The following SPIN2B variants were observed in gnomAD, a reference collection of about 807,000 sequenced individuals.
The protein encoded by SPIN2B is spindlin-2B.
A neutral mutation model predicts 9.3 loss-of-function variants in SPIN2B; 1 was observed. That is an observed-to-expected ratio of 0.11 (90% CI 0.04 to 0.51). The LOEUF is 0.51. Ranked by LOEUF, SPIN2B falls within the 20% of genes least tolerant of loss-of-function variation. The probability of loss-of-function intolerance (pLI) is 0.94; values close to 1 mark genes in which losing one functional copy is unlikely to be tolerated. For missense variants in SPIN2B, 32 were observed against 174.0 expected (o/e 0.18, Z 4.59); for synonymous variants, 15 against 63.4 (o/e 0.24, Z 3.63).
In SPIN2B at chrX:57,121,407, G is replaced by T; in HGVS notation, c.-172C>A. On this transcript the variant is annotated 5_prime_UTR_variant, in exon 1 of 2. Coordinates refer to ENST00000434397, the MANE Select transcript of SPIN2B (RefSeq NM_001006681.2). ...ATCCGTAGATGAGGAGCGTGTCTAG[G>T]AGGGCGGCGAGACAGGCAAAGAGGA... 1 of 554,298 alleles carries T rather than the reference G, an allele frequency of 1.8e-6. No individual in the cohort carries two copies. Among genetic ancestry groups the T allele is most frequent in the Non-Finnish European group, 2.2e-6 (1 of 456,356 alleles). The allele number at this position is 554,298 out of a possible 1,213,427, so 45.7% of individuals were successfully genotyped here. A position where few individuals can be genotyped will look rare whatever the true frequency, so the allele number is the denominator to read the frequency against.
Position 57,119,929 on chromosome X carries a change from G to A in SPIN2B, c.701C>T (p.Ala234Val), listed in dbSNP as rs1355565257. ...RIGMVIHQVE[A>V]KPSVYFIKFD... ...CTTGATGAAATACACAGAGGGTTTG[G>A]CTTCCACTTGGTGAATGACCATGCC... Residue 234 changes from alanine (A) to valine (V), a missense_variant, in exon 2 of 2, where the codon GCC becomes GTC. Physicochemically the swap from Ala to Val is moderately conservative, Grantham distance 64. Transcript: ENST00000434397. 3 of 1,209,873 alleles carry A rather than the reference G, an allele frequency of 2.5e-6. No homozygotes were observed. Among genetic ancestry groups the A allele is most frequent in the African/African-American group, 3.5e-5 (2 of 57,078 alleles).
At chrX:57,120,938 T>C in intron 1 of SPIN2B, 1 of 587,320 alleles carries the variant, frequency 1.7e-6, no homozygotes, top group Non-Finnish European at 2.1e-6. Context: ...ACCACTGGCG[T>C]CCACTTCCAA....
At chrX:57,120,997 A>C in intron 1 of SPIN2B, 1 of 737,297 alleles carries the variant, frequency 1.4e-6, no homozygotes, top group Non-Finnish European at 1.6e-6. Flanking sequence ...TCCTTCCCTG[A>C]GCGTCCCAGC....
In SPIN2B at chrX:57,121,544, C is replaced by G. The variant is rs892276258; in HGVS notation, c.-309G>C. 1 of 115,492 alleles carries G rather than the reference C, an allele frequency of 8.7e-6. No individual in the cohort carries two copies. The highest frequency in any genetic ancestry group is 3.2e-5 in the African/African-American group (1 of 30,983). 9.5% of individuals were successfully genotyped at this position (115,492 alleles called of 1,213,427 possible). A position where few individuals can be genotyped will look rare whatever the true frequency, so the allele number is the denominator to read the frequency against. ...CAGTCCCTGCTGTCGCCGCGGCAGT[C>G]TCCTCCCTCTTTCCGTAGCGCAGCT... On this transcript the variant is annotated 5_prime_UTR_variant, in exon 1 of 2. Coordinates refer to ENST00000434397, the MANE Select transcript of SPIN2B (RefSeq NM_001006681.2).
chrX:57,121,246 G>C lies in SPIN2B; in HGVS notation c.-11C>G, dbSNP rs1927155604. The C allele has an allele frequency of 1.3e-6, 1 of 757,410 alleles. No individual in the cohort carries two copies. The highest frequency in any genetic ancestry group is 1.6e-6 in the Non-Finnish European group (1 of 641,573). The allele number at this position is 757,410 out of a possible 1,213,427, so 62.4% of individuals were successfully genotyped here. A position where few individuals can be genotyped will look rare whatever the true frequency, so the allele number is the denominator to read the frequency against. ...CCCACTAATGGCCTTGCCCTGCCTG[G>C]CGTCCACCGCCGGGGATCGCGGGCC... On this transcript the variant is annotated 5_prime_UTR_variant, in exon 1 of 2. Transcript: ENST00000434397.
chrX:57,120,922 C>G (rs929727729), intron 1 of SPIN2B, among the ~76,000 whole-genome samples: 1 of 110,522 alleles, frequency 9.0e-6, no homozygotes, highest in East Asian at 2.9e-4. Context: ...CCCGGAACCC[C>G]TTGCTACCAC....
In SPIN2B at chrX:57,121,260, G is replaced by A. The variant is rs1927158545; in HGVS notation, c.-25C>T. ...TGCCCTGCCTGGCGTCCACCGCCGG[G>A]GATCGCGGGCCTCACGTGCCCAAAT... On this transcript the variant is annotated 5_prime_UTR_variant, in exon 1 of 2. Coordinates refer to ENST00000434397, the MANE Select transcript of SPIN2B (RefSeq NM_001006681.2). 11 of 758,464 alleles carry A rather than the reference G, an allele frequency of 1.5e-5. No homozygotes were observed. The South Asian group carries it at 5.2e-4, about 36-fold the overall frequency. 62.5% of individuals were successfully genotyped at this position (758,464 alleles called of 1,213,427 possible). A position where few individuals can be genotyped will look rare whatever the true frequency, so the allele number is the denominator to read the frequency against.
At position 57,121,279 on chromosome X, in the gene SPIN2B, C is replaced by G; in HGVS notation, c.-44G>C. On this transcript the variant is annotated 5_prime_UTR_variant, in exon 1 of 2. Coordinates refer to ENST00000434397, the MANE Select transcript of SPIN2B (RefSeq NM_001006681.2). ...CGCCGGGGATCGCGGGCCTCACGTG[C>G]CCAAATCGGACACCTCGCTGCTGCC... 1 of 760,330 alleles carries G rather than the reference C, an allele frequency of 1.3e-6. No homozygotes were observed. The highest frequency in any genetic ancestry group is 1.6e-6 in the Non-Finnish European group (1 of 642,356). 62.7% of individuals were successfully genotyped at this position (760,330 alleles called of 1,213,427 possible). A position where few individuals can be genotyped will look rare whatever the true frequency, so the allele number is the denominator to read the frequency against.
chrX:57,121,369 C>A lies in SPIN2B; in HGVS notation c.-134G>T. On this transcript the variant is annotated 5_prime_UTR_variant, in exon 1 of 2. Transcript: ENST00000434397. ...CCGGCCGAGTGAATGCTTGCAAGAG[C>A]GGGGAGGGTAGGATCCGTAGATGAG... 2.9e-6 allele frequency: 2 copies of A among 691,700 alleles called. No individual in the cohort carries two copies. The highest frequency in any genetic ancestry group is 3.4e-6 in the Non-Finnish European group (2 of 581,489). The allele number at this position is 691,700 out of a possible 1,213,427, so 57.0% of individuals were successfully genotyped here.
intron 1 of SPIN2B, chrX:57,120,937 G>T: frequency 1.7e-6 from 1 of 582,413 alleles, no homozygotes; most frequent in East Asian, 1.7e-4. Flanking sequence ...TACCACTGGC[G>T]TCCACTTCCA....
In SPIN2B at chrX:57,121,219, C is replaced by A. The variant is rs1178234101; in HGVS notation, c.-3+19G>T. 1.3e-6 allele frequency: 1 copy of A among 760,372 alleles called. No individual in the cohort carries two copies. Among genetic ancestry groups the A allele is most frequent in the African/African-American group, 2.3e-5 (1 of 43,042 alleles). The allele number at this position is 760,372 out of a possible 1,213,427, so 62.7% of individuals were successfully genotyped here. On this transcript the variant is annotated intron_variant, in intron 1 of 1. Coordinates refer to ENST00000434397, the MANE Select transcript of SPIN2B (RefSeq NM_001006681.2). ...CTTCCCATCCCCCTCTCCATTCTGG[C>A]GCCCACTAATGGCCTTGCCCTGCCT... is the stretch of plus-strand genomic sequence containing the variant.
intron 1 of SPIN2B, among the ~76,000 whole-genome samples, chrX:57,120,894 C>G (rs779795146): frequency 6.5e-4 from 71 of 108,904 alleles, no homozygotes; most frequent in Non-Finnish European, 8.8e-4. Flanking sequence ...CTCCTCCTAG[C>G]TCAGAGCCCA....
chrX:57,121,270 C>T lies in SPIN2B; in HGVS notation c.-35G>A, dbSNP rs1240369257. ...GGCGTCCACCGCCGGGGATCGCGGGCCTCACGTGCCCAAATCGGACACCTC... is the reference window on the plus strand; with the variant it reads ...GGCGTCCACCGCCGGGGATCGCGGGTCTCACGTGCCCAAATCGGACACCTC... On this transcript the variant is annotated 5_prime_UTR_variant, in exon 1 of 2. Transcript: ENST00000434397. 1.3e-6 allele frequency: 1 copy of T among 758,872 alleles called. No homozygotes were observed. The highest frequency in any genetic ancestry group is 1.6e-6 in the Non-Finnish European group (1 of 642,141). The allele number at this position is 758,872 out of a possible 1,213,427, so 62.5% of individuals were successfully genotyped here.
chrX:57,121,248 G>C lies in SPIN2B; in HGVS notation c.-13C>G. 5.3e-6 allele frequency: 4 copies of C among 759,043 alleles called. No individual in the cohort carries two copies. The highest frequency in any genetic ancestry group is 6.2e-6 in the Non-Finnish European group (4 of 641,938). The allele number at this position is 759,043 out of a possible 1,213,427, so 62.6% of individuals were successfully genotyped here. ...CACTAATGGCCTTGCCCTGCCTGGC[G>C]TCCACCGCCGGGGATCGCGGGCCTC... is the stretch of plus-strand genomic sequence containing the variant. On this transcript the variant is annotated 5_prime_UTR_variant, in exon 1 of 2. Coordinates refer to ENST00000434397, the MANE Select transcript of SPIN2B (RefSeq NM_001006681.2).
At chrX:57,121,124 T>G in intron 1 of SPIN2B, 114 bp downstream of exon 1, 1 of 794,172 alleles carries the variant, frequency 1.3e-6, no homozygotes, top group Non-Finnish European at 1.5e-6. Flanking sequence ...CCTTTTCATG[T>G]TGCTCACCGC....
chrX:57,119,830 T>A lies in SPIN2B; in HGVS notation c.*23A>T, dbSNP rs199979060. The A allele has an allele frequency of 1.0e-5, 12 of 1,160,408 alleles. No homozygotes were observed. The highest frequency in any genetic ancestry group is 1.8e-5 in the African/African-American group (1 of 55,793). The stretch of plus-strand genomic sequence containing the variant: ...CAAATTATACATTTGTTTCCACACA[T>A]GTGCCAAATTTTACCCTAACAGTTA... On this transcript the variant is annotated 3_prime_UTR_variant, in exon 2 of 2. Transcript: ENST00000434397.
At position 57,121,451 on chromosome X, in the gene SPIN2B, C is replaced by G. The variant is rs750092505; in HGVS notation, c.-216G>C. 5.6e-4 allele frequency: 169 copies of G among 299,888 alleles called. No individual in the cohort carries two copies. Among genetic ancestry groups the G allele is most frequent in the Non-Finnish European group, 6.9e-4 (155 of 224,795 alleles). 24.7% of individuals were successfully genotyped at this position (299,888 alleles called of 1,213,427 possible). A position where few individuals can be genotyped will look rare whatever the true frequency, so the allele number is the denominator to read the frequency against. On this transcript the variant is annotated 5_prime_UTR_variant, in exon 1 of 2. Transcript: ENST00000434397. ...AAGAGGAAGGCAGCGGCGTCCCCAC[C>G]GCTTGGCTCGCTAGCCCTCCGCCTC...
At position 57,120,003 on chromosome X, in the gene SPIN2B, T is replaced by G. The variant is rs1926982429; in HGVS notation, c.627A>C (p.Leu209=). The change falls in exon 2 of 2, where the codon CTA becomes CTC. Residue 209 remains leucine, a synonymous_variant. Transcript: ENST00000434397. ...EREPGGVVDG[L]IGKHVEYTKE... is the part of the protein sequence containing the mutation. ...TGGTATATTCCACATGCTTACCTATTAGGCCATCTACAACTCCTCCTGGCT... is the reference window on the plus strand; with the variant it reads ...TGGTATATTCCACATGCTTACCTATGAGGCCATCTACAACTCCTCCTGGCT... 8.3e-7 allele frequency: 1 copy of G among 1,206,973 alleles called. No homozygotes were observed. Among genetic ancestry groups the G allele is most frequent in the Admixed American group, 2.2e-5 (1 of 45,372 alleles).
In SPIN2B at chrX:57,121,326, A is replaced by C; in HGVS notation, c.-91T>G. ...TGCCTCCGCTACGAGCCTGTGGCGAAGGAGGGTCAGCAGGCGACCGGCCGA... is the reference window on the plus strand; with the variant it reads ...TGCCTCCGCTACGAGCCTGTGGCGACGGAGGGTCAGCAGGCGACCGGCCGA... On this transcript the variant is annotated 5_prime_UTR_variant, in exon 1 of 2. Coordinates refer to ENST00000434397, the MANE Select transcript of SPIN2B (RefSeq NM_001006681.2). 1.3e-6 allele frequency: 1 copy of C among 751,677 alleles called. No homozygotes were observed. Among genetic ancestry groups the C allele is most frequent in the Non-Finnish European group, 1.6e-6 (1 of 635,318 alleles). The allele number at this position is 751,677 out of a possible 1,213,427, so 61.9% of individuals were successfully genotyped here.
Sources: gnomAD v4.1 joint callset for allele counts (sites outside exome capture counted in the v4.1 genomes callset) on GRCh38, gnomAD v4.1.1 for gene constraint, MANE v1.5 for transcripts, NCBI Gene and HGNC (gene_info 2026-07-23, HGNC 2026-07-21) for gene names.